The following LHX1 variants were observed in gnomAD, a reference collection of about 807,000 sequenced individuals.
LHX1 encodes the protein LIM/homeobox protein Lhx1.
LHX1 carries 9 observed loss-of-function variants against 34.1 expected under a neutral mutation model. The observed-to-expected ratio is 0.26, with a 90% CI of 0.16 to 0.46. LHX1 has a LOEUF of 0.46. Among genes scored for constraint, LHX1 ranks in the 20% least tolerant of loss-of-function variants. The probability of loss-of-function intolerance (pLI) is 1.00; values close to 1 mark genes in which losing one functional copy is unlikely to be tolerated. For missense variants in LHX1, 446 were observed against 559.1 expected, an observed-to-expected ratio of 0.80 and a Z score of 2.04; for synonymous variants, 254 against 241.5, an observed-to-expected ratio of 1.05 and a Z score of -0.48.
chr17:36,938,306 A>C lies in LHX1; in HGVS notation c.109A>C (p.Asn37His). ...KCVQCCECKC[N>H]LTEKCFSREG... ...CGTCCAGTGCTGTGAATGTAAATGC[A>C]ACCTGACCGAGAAGTGCTTCTCCAG... Residue 37 changes from asparagine (N) to histidine (H), a missense_variant, in exon 1 of 5, where the codon AAC (asparagine) becomes CAC (histidine). Physicochemically the swap from Asn to His is moderately conservative, Grantham distance 68. This residue lies in a region of LHX1 where 168 missense variants were observed against 226.6 expected (regional missense o/e 0.74). Transcript: ENST00000614239. The C allele has an allele frequency of 6.2e-7, 1 of 1,614,162 alleles. No homozygotes were observed. Among genetic ancestry groups the C allele is most frequent in the South Asian group, 1.1e-5 (1 of 91,088 alleles).
At chr17:36,940,940 G>A in intron 3 of LHX1, 53 bp downstream of exon 3, 2 of 1,542,242 alleles carry the variant, frequency 1.3e-6, no homozygotes, top group Non-Finnish European at 1.7e-6. Flanking sequence ...TGCCACTTTG[G>A]GCACCCAGGC....
chr17:36,943,410 G>A lies in LHX1; in HGVS notation c.*279G>A, dbSNP rs1034958007. ...CTCTCCCCAACTCCCACCTGGACCC[G>A]GATCCGTAGACAGACCCCGCGGGCG... is the stretch of plus-strand genomic sequence containing the variant. On this transcript the variant is annotated 3_prime_UTR_variant, in exon 5 of 5. Coordinates refer to ENST00000614239, the MANE Select transcript of LHX1 (RefSeq NM_005568.5). 13 of 423,892 alleles carry A rather than the reference G, an allele frequency of 3.1e-5. No homozygotes were observed. Among genetic ancestry groups the A allele is most frequent in the Non-Finnish European group, 5.4e-5 (13 of 239,554 alleles). The allele number at this position is 423,892 out of a possible 1,614,324, so 26.3% of individuals were successfully genotyped here.
chr17:36,938,552 C>A, intron 1 of LHX1, 185 bp downstream of exon 1: 7 of 688,468 alleles, frequency 1.0e-5, no homozygotes, highest in Non-Finnish European at 1.8e-5. Flanking sequence ...CGCGGCCCTG[C>A]TTGCATCCTG....
upstream of LHX1, chr17:36,936,950 G>A (rs1376306560): frequency 3.0e-5 from 7 of 231,566 alleles, no homozygotes; most frequent in Non-Finnish European, 8.8e-6. Flanking sequence ...TCCAGCCGCC[G>A]GCCTACTGTA....
rs1206380739 is a variant in LHX1, at chr17:36,943,558, G to T, written c.*427G>T. The T allele has an allele frequency of 6.0e-6, 1 of 166,024 alleles. No individual in the cohort carries two copies. Among genetic ancestry groups the T allele is most frequent in the Non-Finnish European group, 1.3e-5 (1 of 77,598 alleles). The allele number at this position is 166,024 out of a possible 1,614,324, so 10.3% of individuals were successfully genotyped here. On this transcript the variant is annotated 3_prime_UTR_variant, in exon 5 of 5. Coordinates refer to ENST00000614239, the MANE Select transcript of LHX1 (RefSeq NM_005568.5). ...AGCACAGCCGGGTGAAGGAAGTGAA[G>T]CGGCCCAGGGCGCTCCCGGGCCAGC...
rs1491426578 is a variant in LHX1 at position 36,943,198 on chromosome 17, A to AAG, written c.*68_*69insGA. 20 of 1,275,870 alleles carry AAG rather than the reference A, an allele frequency of 1.6e-5. No individual in the cohort carries two copies. The highest frequency in any genetic ancestry group is 1.3e-4 in the South Asian group (9 of 69,708). 79.0% of individuals were successfully genotyped at this position (1,275,870 alleles called of 1,614,324 possible). The stretch of plus-strand genomic sequence containing the variant: ...ATGAACCTTTATTTAAGAAAAATAG[A>AAG]AAAAAAAAAACATAAAAAGCAAGTC... On this transcript the variant is annotated 3_prime_UTR_variant, in exon 5 of 5. Coordinates refer to ENST00000614239, the MANE Select transcript of LHX1 (RefSeq NM_005568.5).
Position 36,938,006 on chromosome 17 carries a change from C to T in LHX1, c.-192C>T. ...CTGCACACTTCACTGAGACGCCCCCCCAGGCCCCGATCAGCCTCGTTTCCT... is the reference window on the plus strand; with the variant it reads ...CTGCACACTTCACTGAGACGCCCCCTCAGGCCCCGATCAGCCTCGTTTCCT... On this transcript the variant is annotated 5_prime_UTR_variant, in exon 1 of 5. Coordinates refer to ENST00000614239, the MANE Select transcript of LHX1 (RefSeq NM_005568.5). 3.2e-6 allele frequency: 2 copies of T among 629,800 alleles called. No individual in the cohort carries two copies. The highest frequency in any genetic ancestry group is 2.7e-5 in the East Asian group (1 of 36,500). 39.0% of individuals were successfully genotyped at this position (629,800 alleles called of 1,614,324 possible). A position where few individuals can be genotyped will look rare whatever the true frequency, so the allele number is the denominator to read the frequency against.
At position 36,940,988 on chromosome 17, in the gene LHX1, G is replaced by T. The variant is rs1378035072; in HGVS notation, c.675+101G>T. The stretch of plus-strand genomic sequence containing the variant: ...GCCCAGAATCCAGAGAGAAGTGAGA[G>T]ATGGAGTCCAGAGGTGGGGTGCCTA... On this transcript the variant is annotated intron_variant, in intron 3 of 4. Transcript: ENST00000614239. 5 of 1,519,958 alleles carry T rather than the reference G, an allele frequency of 3.3e-6. No homozygotes were observed. In the African/African-American group the frequency reaches 6.9e-5, roughly 21 times the overall value. The allele number at this position is 1,519,958 out of a possible 1,614,324, so 94.2% of individuals were successfully genotyped here. A position where few individuals can be genotyped will look rare whatever the true frequency, so the allele number is the denominator to read the frequency against.
At position 36,938,135 on chromosome 17, in the gene LHX1, C is replaced by A; in HGVS notation, c.-63C>A. 1 of 1,532,852 alleles carries A rather than the reference C, an allele frequency of 6.5e-7. No individual in the cohort carries two copies. Among genetic ancestry groups the A allele is most frequent in the Non-Finnish European group, 9.0e-7 (1 of 1,108,634 alleles). The allele number at this position is 1,532,852 out of a possible 1,614,324, so 95.0% of individuals were successfully genotyped here. On this transcript the variant is annotated 5_prime_UTR_variant, in exon 1 of 5. Coordinates refer to ENST00000614239, the MANE Select transcript of LHX1 (RefSeq NM_005568.5). ...GCTCGTGCCGATTGTCTTCAGGAGTCATCCCCTGGGCTCTACTTTGCCCCT... is the reference window on the plus strand; with the variant it reads ...GCTCGTGCCGATTGTCTTCAGGAGTAATCCCCTGGGCTCTACTTTGCCCCT...
At chr17:36,938,525 G>A in intron 1 of LHX1, 158 bp downstream of exon 1, 1 of 745,662 alleles carries the variant, frequency 1.3e-6, no homozygotes, top group Non-Finnish European at 2.3e-6. Flanking sequence ...GCCAGCTGGC[G>A]CGCTGGGAGC....
At chr17:36,938,514 C>T (rs1440040415) in intron 1 of LHX1, 147 bp downstream of exon 1, 8 of 780,658 alleles carry the variant, frequency 1.0e-5, no homozygotes, top group Non-Finnish European at 1.7e-5. Flanking sequence ...CCCGCCTCTC[C>T]GCCAGCTGGC....
intron 1 of LHX1, among the ~76,000 whole-genome samples, chr17:36,939,740 A>AG (rs1478538861): frequency 6.6e-6 from 1 of 152,178 alleles, no homozygotes; most frequent in African/African-American, 2.4e-5. Flanking sequence ...AAGGCTACGG[A>AG]GGGGGGCTCT....
chr17:36,943,394 A>G lies in LHX1; in HGVS notation c.*263A>G. 1 of 427,104 alleles carries G rather than the reference A, an allele frequency of 2.3e-6. No individual in the cohort carries two copies. The highest frequency in any genetic ancestry group is 4.1e-6 in the Non-Finnish European group (1 of 242,024). The allele number at this position is 427,104 out of a possible 1,614,324, so 26.5% of individuals were successfully genotyped here. ...CAAAGGAAACGCAGACCTCTCCCCA[A>G]CTCCCACCTGGACCCGGATCCGTAG... On this transcript the variant is annotated 3_prime_UTR_variant, in exon 5 of 5. Coordinates refer to ENST00000614239, the MANE Select transcript of LHX1 (RefSeq NM_005568.5).
At chr17:36,940,258 C>CGGGGGGGGGGGGGGGGGGGGGGG in intron 1 of LHX1, 32 bp from the exon 2 acceptor site, 5 of 528,900 alleles carry the variant, frequency 9.5e-6, no homozygotes, top group East Asian at 3.5e-5. Context: ...GACCCATCCC[C>CGGGGGGGGGGGGGGGGGGGGGGG]GCCCCCGCCC....
chr17:36,937,566 C>A lies in LHX1; in HGVS notation c.-632C>A. 6.3e-6 allele frequency: 2 copies of A among 318,834 alleles called. No individual in the cohort carries two copies. The highest frequency in any genetic ancestry group is 4.7e-5 in the South Asian group (2 of 42,358). 19.8% of individuals were successfully genotyped at this position (318,834 alleles called of 1,614,324 possible). A position where few individuals can be genotyped will look rare whatever the true frequency, so the allele number is the denominator to read the frequency against. Reference sequence around the variant, plus strand: ...GGCCCAGCGCGGGCGCTCGGCGCGTCCAGACCCGCGGCGCGATGCCGGCAG... The same window carrying A: ...GGCCCAGCGCGGGCGCTCGGCGCGTACAGACCCGCGGCGCGATGCCGGCAG... On this transcript the variant is annotated 5_prime_UTR_variant, in exon 1 of 5. Transcript: ENST00000614239.
At chr17:36,942,126 G>T (rs1282105344) in intron 3 of LHX1, 74 bp from the exon 4 acceptor site, 6 of 1,483,164 alleles carry the variant, frequency 4.0e-6, no homozygotes, top group Non-Finnish European at 5.4e-6. Context: ...GTGAAGGGGT[G>T]CTGGCTAGGC....
At chr17:36,941,546 G>C (rs1054784207) in intron 3 of LHX1, 1 of 251,004 alleles carries the variant, frequency 4.0e-6, no homozygotes, top group Non-Finnish European at 7.9e-6. Flanking sequence ...CGGGCCTGAT[G>C]CCCTGCGTGG....
chr17:36,940,816 A>G lies in LHX1; in HGVS notation c.604A>G (p.Thr202Ala), dbSNP rs772454589. 1 of 1,586,868 alleles carries G rather than the reference A, an allele frequency of 6.3e-7. No individual in the cohort carries two copies. The highest frequency in any genetic ancestry group is 1.3e-5 in the African/African-American group (1 of 74,540). Reference sequence around the variant, plus strand: ...GACGCTGAAGGCCGCCTTCGCTGCTACACCCAAGCCCACCCGCCACATCCG... The same window carrying G: ...GACGCTGAAGGCCGCCTTCGCTGCTGCACCCAAGCCCACCCGCCACATCCG... ...LETLKAAFAA[T>A]PKPTRHIREQ... Residue 202 changes from threonine to alanine, a missense_variant, in exon 3 of 5, where the codon ACA becomes GCA. By Grantham distance (58) the Thr-to-Ala change is moderately conservative (BLOSUM62 0). This residue lies in a region of LHX1 where 43 missense variants were observed against 108.0 expected (regional missense o/e 0.40). Coordinates refer to ENST00000614239, the MANE Select transcript of LHX1 (RefSeq NM_005568.5).
At chr17:36,942,619 G>A (rs1263039310) in intron 4 of LHX1, 133 bp from the exon 5 acceptor site, 10 of 1,093,778 alleles carry the variant, frequency 9.1e-6, no homozygotes, top group Admixed American at 6.2e-5. Flanking sequence ...CCAGGCCCGC[G>A]AGGGCTCCCC....
Sources: gnomAD v4.1 joint callset for allele counts (sites outside exome capture counted in the v4.1 genomes callset) on GRCh38, gnomAD v4.1.1 for gene constraint, gnomAD v4.1.1 regional missense constraint, MANE v1.5 for transcripts, NCBI Gene and HGNC (gene_info 2026-07-23, HGNC 2026-07-21) for gene names.